ABLIM1: variants seen among roughly 807,000 people sequenced by gnomAD.
ABLIM1 encodes the protein actin binding LIM protein 1.
ABLIM1 carries 40 observed loss-of-function variants against 107.0 expected under a neutral mutation model. The ratio of observed to expected loss-of-function variants is 0.37; its 90% confidence interval spans 0.29 to 0.49. The LOEUF is 0.49. Among genes scored for constraint, ABLIM1 ranks in the 20% least tolerant of loss-of-function variants. The pLI is 0.97. For synonymous variants in ABLIM1, 357 were observed against 357.3 expected, an observed-to-expected ratio of 1.00 and a Z score of 0.01; for missense variants, 857 against 1,008.5, an observed-to-expected ratio of 0.85 and a Z score of 2.04.
At position 114,447,987 on chromosome 10, in the gene ABLIM1, T is replaced by C. The variant is rs769362662; in HGVS notation, c.1628A>G (p.Asp543Gly). The change falls in exon 15 of 23, where the codon GAT (aspartate) becomes GGT (glycine). Residue 543 changes from aspartate to glycine, a missense_variant. Physicochemically the swap from Asp to Gly is moderately conservative, Grantham distance 94 (BLOSUM62 -1). This residue lies in a region of ABLIM1 where 103 missense variants were observed against 101.0 expected (regional missense o/e 1.02). Coordinates refer to ENST00000533213, the MANE Select transcript of ABLIM1 (RefSeq NM_002313.7). ...TGGGAACTTGGAAAACTTGATGATA[T>C]CTTCTGAGGACTTGCTCTGGGCTGC... ...ALAAQSKSSE[D>G]IIKFSKFPAA... 6.8e-6 allele frequency: 11 copies of C among 1,614,134 alleles called. No individual in the cohort carries two copies. The Admixed American group carries it at 1.3e-4, about 20-fold the overall frequency.
At chr10:114,550,057 G>C (rs984049693) in intron 4 of ABLIM1, among the ~76,000 whole-genome samples, 1 of 152,064 alleles carries the variant, frequency 6.6e-6, no homozygotes, top group Non-Finnish European at 1.5e-5. Flanking sequence ...TAAAAAATTT[G>C]ACTATTTATA....
intron 1 of ABLIM1, among the ~76,000 whole-genome samples, chr10:114,639,468 C>G (rs1191131072): frequency 6.6e-6 from 1 of 152,228 alleles, no homozygotes; most frequent in Non-Finnish European, 1.5e-5. Flanking sequence ...ACCGGCCACA[C>G]AGGCCGCCTG....
rs181213406 is a variant in ABLIM1, at chr10:114,667,905, G to T, written c.64+16385C>A. On this transcript the variant is annotated intron_variant, in intron 1 of 23. Coordinates refer to the ABLIM1 transcript ENST00000369256. Reference sequence around the variant, plus strand: ...TCCAGTGTGTTAGAAATCATCATCTGGGTGCTATTACTTTGCAGTAAACAT... The same window carrying T: ...TCCAGTGTGTTAGAAATCATCATCTTGGTGCTATTACTTTGCAGTAAACAT... Among the ~76,000 whole-genome samples the T allele has an allele frequency of 3.7e-4, 56 of 152,264 alleles. No homozygotes were observed. In the East Asian group the frequency reaches 0.011, roughly 29 times the overall value.
chr10:114,557,659 C>T (rs2068930525), intron 4 of ABLIM1, among the ~76,000 whole-genome samples: 1 of 142,140 alleles, frequency 7.0e-6, no homozygotes, highest in South Asian at 2.2e-4. Context: ...CCCAATAGCT[C>T]CATAGTGAGG....
intron 1 of ABLIM1, among the ~76,000 whole-genome samples, chr10:114,742,369 A>C (rs1300878120): frequency 1.3e-5 from 2 of 152,186 alleles, no homozygotes; most frequent in Non-Finnish European, 2.9e-5. Flanking sequence ...CCAAAAGTAC[A>C]CTTTGGATAC....
intron 18 of ABLIM1, among the ~76,000 whole-genome samples, chr10:114,441,340 T>C (rs1392375451): frequency 6.6e-6 from 1 of 152,246 alleles, no homozygotes; most frequent in African/African-American, 2.4e-5. Flanking sequence ...CATAGTTACA[T>C]AATTGTATTT....
intron 6 of ABLIM1, among the ~76,000 whole-genome samples, chr10:114,535,243 T>C (rs10885572): frequency 0.22 from 34,172 of 152,142 alleles, 4,430 homozygotes; most frequent in East Asian, 0.33. Context: ...TCCTGTGCAG[T>C]GGTAACCTCT....
rs541823705 is a variant in ABLIM1, at chr10:114,522,314, C to A, written c.894+22691G>T. 9.8e-5 allele frequency among the ~76,000 whole-genome samples: 15 copies of A among 152,314 alleles called. No individual in the cohort carries two copies. The South Asian group carries it at 1.9e-3, about 19-fold the overall frequency. On this transcript the variant is annotated intron_variant, in intron 6 of 22. Coordinates refer to ENST00000533213, the MANE Select transcript of ABLIM1 (RefSeq NM_002313.7). ...AAACCTGGCAATCCACCCCACCCCC[C>A]ACTTATTCCCTAAACTTCGTTATAT...
the ABLIM1 span, among the ~76,000 whole-genome samples, chr10:114,798,087 G>A: frequency 6.6e-6 from 1 of 152,216 alleles, no homozygotes; most frequent in Non-Finnish European, 1.5e-5. Context: ...ATCCAACGAA[G>A]TTAAGTGCAA....
chr10:114,557,746 G>A (rs1193432456), intron 4 of ABLIM1, among the ~76,000 whole-genome samples: 1 of 123,864 alleles, frequency 8.1e-6, no homozygotes, highest in African/African-American at 3.0e-5. Context: ...AGTTAGGATA[G>A]TTCTTAGCAA....
upstream of ABLIM1, among the ~76,000 whole-genome samples, chr10:114,688,180 G>A (rs773341934): frequency 6.6e-5 from 10 of 152,112 alleles, no homozygotes; most frequent in East Asian, 1.9e-4. Flanking sequence ...TACGTCCTCC[G>A]TGCTAATATT....
At chr10:114,639,067 G>A (rs954272804) in intron 1 of ABLIM1, among the ~76,000 whole-genome samples, 3 of 152,060 alleles carry the variant, frequency 2.0e-5, no homozygotes, top group African/African-American at 4.8e-5. Flanking sequence ...ACCTCATCTG[G>A]CCTTATAATA....
intron 1 of ABLIM1, among the ~76,000 whole-genome samples, chr10:114,706,322 T>C (rs2081420041): frequency 6.6e-6 from 1 of 152,226 alleles, no homozygotes; most frequent in African/African-American, 2.4e-5. Flanking sequence ...ACCCAAGTTA[T>C]ATAAACGATA....
At chr10:114,458,136 CATAT>C (rs35858255) in intron 12 of ABLIM1, among the ~76,000 whole-genome samples, 65,826 of 150,322 alleles carry the variant, frequency 0.44, 14,247 homozygotes, top group African/African-American at 0.5. Flanking sequence ...TACAATAGTA[CATAT>C]ATATATATAT....
chr10:114,632,520 G>A (rs2078254918), intron 1 of ABLIM1: 2 of 984,908 alleles, frequency 2.0e-6, no homozygotes, highest in African/African-American at 3.5e-5. Context: ...TGATGCTAAT[G>A]GCAATTTCAA....
Position 114,513,477 on chromosome 10 carries a change from C to T in ABLIM1, c.895-21599G>A, listed in dbSNP as rs1165456255. The stretch of plus-strand genomic sequence containing the variant: ...AGAAACCCCACTGGCAAGCAACATC[C>T]GGCAGTAACAATTTCACACTCAATT... On this transcript the variant is annotated intron_variant, in intron 6 of 22. Coordinates refer to ENST00000533213, the MANE Select transcript of ABLIM1 (RefSeq NM_002313.7). Among the ~76,000 whole-genome samples, 6 of 152,234 alleles carry T rather than the reference C, an allele frequency of 3.9e-5. No homozygotes were observed. The South Asian group carries it at 8.3e-4, about 21-fold the overall frequency.
At chr10:114,680,276 T>C (rs1332007863) in intron 1 of ABLIM1, among the ~76,000 whole-genome samples, 1 of 152,188 alleles carries the variant, frequency 6.6e-6, no homozygotes, top group Non-Finnish European at 1.5e-5. Context: ...ATCTCTATTT[T>C]ACAGATGTGG....
chr10:114,540,485 G>C (rs2066523261), intron 6 of ABLIM1, among the ~76,000 whole-genome samples: 1 of 152,162 alleles, frequency 6.6e-6, no homozygotes, highest in Non-Finnish European at 1.5e-5. Flanking sequence ...AAGCTGATGT[G>C]ATTTTCAGGG....
chr10:114,602,007 TGCAAAAGGG>T (rs2076049347), intron 1 of ABLIM1, 46 bp from the exon 2 acceptor site: 9 of 1,607,342 alleles, frequency 5.6e-6, no homozygotes, highest in Non-Finnish European at 7.7e-6. Flanking sequence ...AGAGCATTCC[TGCAAAAGGG>T]GTCATCATGG....
Sources: allele counts gnomAD v4.1 joint callset (sites outside exome capture counted in the v4.1 genomes callset), GRCh38; gene constraint gnomAD v4.1.1; regional missense constraint gnomAD v4.1.1; transcripts MANE v1.5; gene names NCBI Gene and HGNC (gene_info 2026-07-23, HGNC 2026-07-21).